The following ADCY5 variants were observed in gnomAD, a reference collection of about 807,000 sequenced individuals.
ADCY5 encodes the protein adenylate cyclase type 5.
In ADCY5, 30 loss-of-function variants were observed where a neutral mutation model predicts 119.7. That is an observed-to-expected ratio of 0.25 (90% confidence interval 0.19 to 0.34). The LOEUF (loss-of-function observed/expected upper bound fraction) is 0.34. Among genes scored for constraint, ADCY5 ranks in the 10% least tolerant of loss-of-function variants. ADCY5 has a pLI of 1.00. For synonymous variants in ADCY5, 753 were observed against 762.2 expected (o/e 0.99, Z 0.20); for missense variants, 1,324 against 1,775.2 (o/e 0.75, Z 4.57).
At chr3:123,384,330 T>C (rs1200677827) in intron 1 of ADCY5, among the ~76,000 whole-genome samples, 1 of 152,166 alleles carries the variant, frequency 6.6e-6, no homozygotes, top group Non-Finnish European at 1.5e-5. Flanking sequence ...TGAGGGTGAA[T>C]CTTCCAACCC....
At position 123,286,962 on chromosome 3, in the gene ADCY5, G is replaced by T; in HGVS notation, c.3533-153C>A. The T allele has an allele frequency of 9.7e-7, 1 of 1,029,894 alleles. No homozygotes were observed. The highest frequency in any genetic ancestry group is 2.8e-5 in the East Asian group (1 of 35,778). 63.8% of individuals were successfully genotyped at this position (1,029,894 alleles called of 1,614,324 possible). A position where few individuals can be genotyped will look rare whatever the true frequency, so the allele number is the denominator to read the frequency against. On this transcript the variant is annotated intron_variant, in intron 19 of 20. Transcript: ENST00000462833. The surrounding 1 kb of genome is among the most constrained non-coding windows in gnomAD (Gnocchi z 4.2). The stretch of plus-strand genomic sequence containing the variant: ...GCTGTGCTAAACCCTGCAGCCTCCC[G>T]CTACCCTGCTCCTGTCAAATGCCTG...
chr3:123,396,461 G>A (rs1307601274), intron 1 of ADCY5, among the ~76,000 whole-genome samples: 3 of 134,078 alleles, frequency 2.2e-5, no homozygotes, highest in African/African-American at 8.5e-5. Flanking sequence ...GAGGGAAGGA[G>A]ACAAAGAAAG....
rs1252424165 is a variant in ADCY5, at chr3:123,284,596, G to T, written c.*12C>A. The T allele has an allele frequency of 1.2e-6, 2 of 1,614,094 alleles. No individual in the cohort carries two copies. Among genetic ancestry groups the T allele is most frequent in the Non-Finnish European group, 1.7e-6 (2 of 1,179,942 alleles). ...GGAGGCCAGGCTGCCTGGCACCATT[G>T]GCCAACAGCTGCTAACTGAGCGGGG... On this transcript the variant is annotated 3_prime_UTR_variant, in exon 21 of 21. Transcript: ENST00000462833.
intron 1 of ADCY5, among the ~76,000 whole-genome samples, chr3:123,439,337 C>T (rs1209183212): frequency 6.6e-6 from 1 of 151,920 alleles, no homozygotes; most frequent in African/African-American, 2.4e-5. Context: ...GCTGGGATTA[C>T]AGGCATGAGC....
At chr3:123,347,036 T>C (rs1282798637) in intron 3 of ADCY5, among the ~76,000 whole-genome samples, 1 of 152,100 alleles carries the variant, frequency 6.6e-6, no homozygotes, top group African/African-American at 2.4e-5. Context: ...AGCGGCCACT[T>C]GGGTGCAGCC....
intron 3 of ADCY5, among the ~76,000 whole-genome samples, chr3:123,339,889 C>G (rs1942194872): frequency 6.6e-6 from 1 of 152,236 alleles, no homozygotes; most frequent in Non-Finnish European, 1.5e-5. Context: ...CAAGACCTAG[C>G]AATAGTTAGT....
chr3:123,289,409 G>A (rs899405348), intron 19 of ADCY5, among the ~76,000 whole-genome samples: 6 of 152,272 alleles, frequency 3.9e-5, no homozygotes, highest in African/African-American at 7.2e-5. Flanking sequence ...TCGGCACAGA[G>A]CATCCCCCAC....
rs138217890 is a variant in ADCY5, at chr3:123,446,345, G to A, written c.1134+1067C>T. 1.4e-4 allele frequency among the ~76,000 whole-genome samples: 21 copies of A among 152,340 alleles called. No individual in the cohort carries two copies. The Middle Eastern group carries it at 0.017, about 123-fold the overall frequency. On this transcript the variant is annotated intron_variant, in intron 1 of 20. Transcript: ENST00000462833. Reference sequence around the variant, plus strand: ...GGAAAACCCTTAAGAGGTTCTATTCGAGAAGGCAGACACCAGTGGGCAGAT... The same window carrying A: ...GGAAAACCCTTAAGAGGTTCTATTCAAGAAGGCAGACACCAGTGGGCAGAT...
chr3:123,311,959 G>C (rs888944511), intron 12 of ADCY5, among the ~76,000 whole-genome samples: 2 of 151,876 alleles, frequency 1.3e-5, no homozygotes, highest in Non-Finnish European at 2.9e-5. Flanking sequence ...TAACAAAATA[G>C]GCAAATTCAA....
Position 123,448,608 on chromosome 3 carries a change from G to T in ADCY5, c.-63C>A. 1 of 1,258,434 alleles carries T rather than the reference G, an allele frequency of 7.9e-7. No individual in the cohort carries two copies. Among genetic ancestry groups the T allele is most frequent in the South Asian group, 3.1e-5 (1 of 32,206 alleles). The allele number at this position is 1,258,434 out of a possible 1,614,324, so 78.0% of individuals were successfully genotyped here. A position where few individuals can be genotyped will look rare whatever the true frequency, so the allele number is the denominator to read the frequency against. The stretch of plus-strand genomic sequence containing the variant: ...GGAAGCCGGGCCGGGGGTCTCCAAG[G>T]GGAGGGCGGACGGCCGAGCAGGGGG... On this transcript the variant is annotated 5_prime_UTR_variant, in exon 1 of 21. Transcript: ENST00000462833.
intron 8 of ADCY5, among the ~76,000 whole-genome samples, chr3:123,321,180 C>T (rs1049800142): frequency 1.3e-5 from 2 of 152,322 alleles, no homozygotes; most frequent in Non-Finnish European, 1.5e-5. Context: ...CTCTGTCACA[C>T]GGACACACTC....
At chr3:123,384,664 C>T (rs1559852474) in intron 1 of ADCY5, among the ~76,000 whole-genome samples, 1 of 152,154 alleles carries the variant, frequency 6.6e-6, no homozygotes, top group Admixed American at 6.5e-5. Context: ...CCTGTGTTGC[C>T]CCCTCCCCAG....
At chr3:123,335,122 T>C (rs1340716363) in intron 3 of ADCY5, among the ~76,000 whole-genome samples, 2 of 152,152 alleles carry the variant, frequency 1.3e-5, no homozygotes, top group Non-Finnish European at 2.9e-5. Flanking sequence ...GGACAGGCAC[T>C]GGAGTCCCAG....
intron 15 of ADCY5, 54 bp from the exon 16 acceptor site, chr3:123,297,436 C>G: frequency 6.3e-7 from 1 of 1,582,090 alleles, no homozygotes; most frequent in Non-Finnish European, 8.7e-7. Flanking sequence ...CATAAGGCGG[C>G]CTCCACTCCT....
intron 17 of ADCY5, among the ~76,000 whole-genome samples, chr3:123,292,773 C>G (rs977763277): frequency 2.6e-5 from 4 of 152,158 alleles, no homozygotes; most frequent in African/African-American, 9.7e-5. Flanking sequence ...CATGGAGGAG[C>G]CCTGCAGTCA....
chr3:123,421,767 G>A (rs750723788), intron 1 of ADCY5, among the ~76,000 whole-genome samples: 4 of 152,176 alleles, frequency 2.6e-5, no homozygotes, highest in Admixed American at 6.5e-5. Context: ...CAAACCCACT[G>A]CTATGCTATA....
At chr3:123,422,359 A>G (rs1257508712) in intron 1 of ADCY5, among the ~76,000 whole-genome samples, 1 of 152,220 alleles carries the variant, frequency 6.6e-6, no homozygotes, top group Non-Finnish European at 1.5e-5. Context: ...CGGAAGTCCC[A>G]TGGGCAGGGT....
In ADCY5 at chr3:123,352,660, CT is replaced by C; in HGVS notation, c.1135-80del. 6.8e-7 allele frequency: 1 copy of C among 1,470,938 alleles called. No homozygotes were observed. Among genetic ancestry groups the C allele is most frequent in the South Asian group, 1.3e-5 (1 of 74,242 alleles). The allele number at this position is 1,470,938 out of a possible 1,614,324, so 91.1% of individuals were successfully genotyped here. ...AAAGCATGAAGCCCTCAGCCCCTGT[CT>C]CAGCAAACTCACACCTGGCGCTAGC... is the stretch of plus-strand genomic sequence containing the variant. On this transcript the variant is annotated intron_variant, in intron 1 of 20. Transcript: ENST00000462833. The surrounding 1 kb of genome is among the most constrained non-coding windows in gnomAD (Gnocchi z 4.8).
intron 12 of ADCY5, among the ~76,000 whole-genome samples, chr3:123,313,641 G>A (rs1170693176): frequency 2.0e-5 from 3 of 152,198 alleles, no homozygotes; most frequent in South Asian, 2.1e-4. Flanking sequence ...TGAGGGACAC[G>A]GCTGGACAGG....
Sources: allele counts gnomAD v4.1 joint callset (sites outside exome capture counted in the v4.1 genomes callset), GRCh38; gene constraint gnomAD v4.1.1; non-coding constraint Gnocchi (gnomAD v3.1); transcripts MANE v1.5; gene names NCBI Gene and HGNC (gene_info 2026-07-23, HGNC 2026-07-21).